The following CDH8 variants were observed in gnomAD, a reference collection of about 807,000 sequenced individuals.
The protein encoded by CDH8 is cadherin-8.
In CDH8, 17 loss-of-function variants were observed where a neutral mutation model predicts 68.1. The ratio of observed to expected loss-of-function variants is 0.25; its 90% CI spans 0.17 to 0.37. The LOEUF is 0.37. CDH8 is among the 10% of genes least tolerant of loss of function. The pLI is 1.00. For missense variants in CDH8, 763 were observed against 999.3 expected, an observed-to-expected ratio of 0.76 and a Z score of 3.19; for synonymous variants, 372 against 365.1, an observed-to-expected ratio of 1.02 and a Z score of -0.21.
At chr16:61,722,992 T>G (rs540788056) in intron 9 of CDH8, among the ~76,000 whole-genome samples, 1 of 150,804 alleles carries the variant, frequency 6.6e-6, no homozygotes, top group Non-Finnish European at 1.5e-5. Context: ...CAGAAATTCT[T>G]TCCTGAAGAA....
chr16:62,031,504 C>T (rs368498915), intron 1 of CDH8, among the ~76,000 whole-genome samples: 1 of 152,102 alleles, frequency 6.6e-6, no homozygotes, highest in African/African-American at 2.4e-5. Flanking sequence ...TAGCCCTGAA[C>T]CATCCATCGT....
chr16:61,965,061 T>G (rs966170940), intron 2 of CDH8, among the ~76,000 whole-genome samples: 1 of 152,138 alleles, frequency 6.6e-6, no homozygotes, highest in Middle Eastern at 3.2e-3. Context: ...GAATTTCTTT[T>G]TCTCCCACAT....
At chr16:61,823,051 G>C (rs763482208) in intron 5 of CDH8, among the ~76,000 whole-genome samples, 17 of 151,864 alleles carry the variant, frequency 1.1e-4, no homozygotes, top group Non-Finnish European at 1.9e-4. Flanking sequence ...CAACTGCAAA[G>C]GCAAAAAAAG....
At chr16:62,023,263 T>C (rs1284515796) in intron 1 of CDH8, among the ~76,000 whole-genome samples, 1 of 152,106 alleles carries the variant, frequency 6.6e-6, no homozygotes, top group East Asian at 1.9e-4. Flanking sequence ...CATGCTGTGC[T>C]CTCTCTAGAC....
At chr16:61,674,144 G>C (rs182597674) in intron 10 of CDH8, among the ~76,000 whole-genome samples, 53 of 152,218 alleles carry the variant, frequency 3.5e-4, no homozygotes, top group African/African-American at 1.2e-3. Flanking sequence ...TAAAAGTAGA[G>C]AGAAACTAAT....
At chr16:61,823,117 G>A (rs528157333) in intron 5 of CDH8, among the ~76,000 whole-genome samples, 1 of 151,730 alleles carries the variant, frequency 6.6e-6, no homozygotes, top group African/African-American at 2.4e-5. Context: ...TGTTTAAAAA[G>A]GTTGCATTGT....
At chr16:61,941,757 T>TTTTGTTTTGC (rs1964728624) in intron 2 of CDH8, among the ~76,000 whole-genome samples, 1 of 152,172 alleles carries the variant, frequency 6.6e-6, no homozygotes, top group Admixed American at 6.5e-5. Flanking sequence ...TTTTGTTTTG[T>TTTTGTTTTGC]TTTGTTTTGC....
chr16:61,835,880 C>A (rs931560315), intron 4 of CDH8, among the ~76,000 whole-genome samples: 4 of 151,862 alleles, frequency 2.6e-5, no homozygotes, highest in African/African-American at 9.7e-5. Flanking sequence ...GGGGCACTGG[C>A]CTTGGAGTTA....
In CDH8 at chr16:61,681,648, A is replaced by T. The variant is rs918977453; in HGVS notation, c.1655-25927T>A. Among the ~76,000 whole-genome samples the T allele has an allele frequency of 2.6e-5, 4 of 151,774 alleles. No individual in the cohort carries two copies. In the Admixed American group the frequency reaches 2.6e-4, roughly 10 times the overall value. On this transcript the variant is annotated intron_variant, in intron 10 of 11. Coordinates refer to ENST00000577390, the MANE Select transcript of CDH8 (RefSeq NM_001796.5). ...AATTTGTGAAATATTAAATTGTACC[A>T]CAAAATGGGCAAATTTTATGGAATG...
At chr16:61,717,917 G>A (rs975338183) in intron 9 of CDH8, among the ~76,000 whole-genome samples, 2 of 151,316 alleles carry the variant, frequency 1.3e-5, no homozygotes, top group Admixed American at 6.6e-5. Context: ...TCAGCACTGT[G>A]ATATATCTAA....
chr16:61,789,431 T>C lies in CDH8; in HGVS notation c.1329A>G (p.Ala443=). The change falls in exon 8 of 12, where the codon GCA becomes GCG. Residue 443 remains alanine (A), a synonymous_variant. Coordinates refer to ENST00000577390, the MANE Select transcript of CDH8 (RefSeq NM_001796.5). Reference sequence around the variant, plus strand: ...TTGCCAGCGTTATCTTCCCATCGTCTGCATTAATGTTGAACTGCCTCTCCA... The same window carrying C: ...TTGCCAGCGTTATCTTCCCATCGTCCGCATTAATGTTGAACTGCCTCTCCA... ...TDLERQFNIN[A]DDGKITLATP... 6.2e-7 allele frequency: 1 copy of C among 1,613,154 alleles called. No homozygotes were observed. Among genetic ancestry groups the C allele is most frequent in the South Asian group, 1.1e-5 (1 of 91,058 alleles).
chr16:61,790,752 T>C (rs1167349421), intron 7 of CDH8, among the ~76,000 whole-genome samples: 1 of 152,038 alleles, frequency 6.6e-6, no homozygotes, highest in Non-Finnish European at 1.5e-5. Context: ...TAGAGTTCAT[T>C]GAAAACATTA....
chr16:61,817,360 T>C, intron 7 of CDH8, 119 bp downstream of exon 7: 1 of 896,406 alleles, frequency 1.1e-6, no homozygotes, highest in East Asian at 2.6e-5. Context: ...CCAACCAACA[T>C]TATTTGGTCA....
At chr16:61,802,135 C>A (rs894259506) in intron 7 of CDH8, among the ~76,000 whole-genome samples, 1 of 132,202 alleles carries the variant, frequency 7.6e-6, no homozygotes, top group Non-Finnish European at 1.6e-5. Flanking sequence ...GGGCAGACTG[C>A]CTCCTCAAGT....
At chr16:61,781,804 T>C (rs1338984111) in intron 8 of CDH8, among the ~76,000 whole-genome samples, 4 of 152,220 alleles carry the variant, frequency 2.6e-5, no homozygotes, top group African/African-American at 9.6e-5. Context: ...AAAAAAATTA[T>C]GTTTACATCT....
chr16:61,714,015 G>T (rs1428181861), intron 9 of CDH8, 57 bp from the exon 10 acceptor site: 2 of 1,015,512 alleles, frequency 2.0e-6, no homozygotes, highest in Non-Finnish European at 3.1e-6. Context: ...TCCTGCCATC[G>T]GTAAAAGCTT....
chr16:62,022,142 TA>T (rs1237751071), intron 1 of CDH8, among the ~76,000 whole-genome samples: 2 of 152,078 alleles, frequency 1.3e-5, no homozygotes, highest in East Asian at 1.9e-4. Flanking sequence ...TTAACAACAT[TA>T]AAAAAATATA....
chr16:61,824,515 T>C (rs1311441010), intron 5 of CDH8, among the ~76,000 whole-genome samples: 3 of 151,886 alleles, frequency 2.0e-5, no homozygotes, highest in Non-Finnish European at 4.4e-5. Flanking sequence ...CTGTTGAAAT[T>C]TCCAAGGCAG....
chr16:61,801,826 G>A (rs1323265514), intron 7 of CDH8, among the ~76,000 whole-genome samples: 2 of 152,208 alleles, frequency 1.3e-5, no homozygotes, highest in African/African-American at 2.4e-5. Context: ...CGCCCACGGA[G>A]TCTCGCTGAT....
Sources: allele counts gnomAD v4.1 joint callset (sites outside exome capture counted in the v4.1 genomes callset), GRCh38; gene constraint gnomAD v4.1.1; transcripts MANE v1.5; gene names NCBI Gene and HGNC (gene_info 2026-07-23, HGNC 2026-07-21).